Variants in CROT observed in about 807,000 individuals in gnomAD.
CROT encodes the protein peroxisomal carnitine O-octanoyltransferase.
CROT carries 84 observed loss-of-function variants against 89.2 expected under a neutral mutation model. That is an observed-to-expected ratio of 0.94 (90% CI 0.79 to 1.13). The LOEUF is 1.13. CROT is among the 50% of genes most tolerant of loss of function. The probability of loss-of-function intolerance (pLI) is 0.00; values close to 1 mark genes in which losing one functional copy is unlikely to be tolerated. For synonymous variants in CROT, 212 were observed against 239.5 expected (o/e 0.89, Z 1.06); for missense variants, 711 against 727.8 (o/e 0.98, Z 0.27).
Position 87,375,860 on chromosome 7 carries a change from G to A in CROT, c.783G>A (p.Glu261=). 1 of 1,613,520 alleles carries A rather than the reference G, an allele frequency of 6.2e-7. No individual in the cohort carries two copies. Among genetic ancestry groups the A allele is most frequent in the Non-Finnish European group, 8.5e-7 (1 of 1,179,604 alleles). The part of the protein sequence containing the change: ...AREYLIGLDP[E]NLALLEKIQS... ...AATATCTGATTGGTCTTGATCCAGA[G>A]AACTTGGCTTTGTTAGAAAAAATTC... The change falls in exon 9 of 18, where the codon GAG becomes GAA. Residue 261 remains glutamate, a synonymous_variant. Transcript: ENST00000331536.
rs12667741 is a variant in CROT, at chr7:87,345,714, T to C, written c.-166T>C. 1.7e-3 allele frequency: 609 copies of C among 358,014 alleles called. 6 individuals are homozygous for C. In the East Asian group the frequency reaches 0.023, roughly 14 times the overall value. 22.2% of individuals were successfully genotyped at this position (358,014 alleles called of 1,614,324 possible). A position where few individuals can be genotyped will look rare whatever the true frequency, so the allele number is the denominator to read the frequency against. On this transcript the variant is annotated 5_prime_UTR_variant, in exon 1 of 18. Transcript: ENST00000331536. The stretch of plus-strand genomic sequence containing the variant: ...CCAAGGGGGAGCGAGCCGGTGCTGC[T>C]GCAGGCTGAGGCTGCGGCAGAGGCG...
intron 13 of CROT, among the ~76,000 whole-genome samples, chr7:87,383,835 T>C (rs1807103345): frequency 6.6e-6 from 1 of 152,078 alleles, no homozygotes; most frequent in South Asian, 2.1e-4. Flanking sequence ...GACACTTAGG[T>C]TGATTCTATA....
intron 1 of CROT, 109 bp downstream of exon 1, chr7:87,345,876 GTCA>G (rs1001260238): frequency 1.2e-5 from 2 of 160,528 alleles, no homozygotes; most frequent in African/African-American, 4.8e-5. Flanking sequence ...GGGGAGTAGT[GTCA>G]TCAAGCATCT....
In CROT at chr7:87,398,644, G is replaced by C; in HGVS notation, c.1839G>C (p.Ter613TyrextTer2). The C allele has an allele frequency of 6.2e-7, 1 of 1,612,506 alleles. No individual in the cohort carries two copies. Among genetic ancestry groups the C allele is most frequent in the Non-Finnish European group, 8.5e-7 (1 of 1,179,586 alleles). The part of the protein sequence containing the change: ...MIQLMNSTHL[*>Y] ...AGCTGATGAACTCTACTCATCTTTA[G>C]AGATGAATCATCTATTAAGCACTTA... is the stretch of plus-strand genomic sequence containing the variant. The change falls in exon 18 of 18, where the codon TAG (stop) becomes TAC (tyrosine). Residue 613 changes from the stop codon to tyrosine (Y), a stop_lost. Coordinates refer to ENST00000331536, the MANE Select transcript of CROT (RefSeq NM_021151.4).
intron 4 of CROT, among the ~76,000 whole-genome samples, chr7:87,361,129 A>ATT (rs756941293): frequency 4.2e-5 from 6 of 142,110 alleles, no homozygotes; most frequent in African/African-American, 1.0e-4. Flanking sequence ...CAGCTAATTA[A>ATT]TTTTTTTTTT....
intron 13 of CROT, among the ~76,000 whole-genome samples, chr7:87,383,288 T>A (rs1807082582): frequency 6.6e-6 from 1 of 152,198 alleles, no homozygotes. Context: ...CAATCTCTGT[T>A]AACCACCATT....
intron 6 of CROT, among the ~76,000 whole-genome samples, chr7:87,367,115 A>G (rs1275742995): frequency 2.0e-5 from 3 of 152,208 alleles, no homozygotes; most frequent in African/African-American, 7.2e-5. Context: ...GTTAGGTTAC[A>G]TGGTAAAGAG....
At chr7:87,346,489 T>C (rs1033602845) in intron 2 of CROT, 59 bp downstream of exon 2, 2 of 152,232 alleles carry the variant, frequency 1.3e-5, no homozygotes, top group African/African-American at 4.8e-5. Flanking sequence ...TGTGAATTCA[T>C]ATCTAATTGC....
intron 6 of CROT, among the ~76,000 whole-genome samples, chr7:87,365,382 C>T (rs543698564): frequency 4.4e-4 from 67 of 151,716 alleles, no homozygotes; most frequent in Non-Finnish European, 7.9e-4. Flanking sequence ...CCCAGCTACG[C>T]GGGAAGCTGA....
chr7:87,385,867 G>T (rs1480000038), intron 13 of CROT, among the ~76,000 whole-genome samples: 1 of 152,098 alleles, frequency 6.6e-6, no homozygotes, highest in Admixed American at 6.6e-5. Flanking sequence ...TACTGAGTTT[G>T]TTGAAAATTT....
chr7:87,382,355 C>CT (rs1427141941), intron 12 of CROT, 58 bp from the exon 13 acceptor site: 21 of 1,570,268 alleles, frequency 1.3e-5, no homozygotes, highest in Non-Finnish European at 1.7e-5. Context: ...ATTTGCTTCT[C>CT]TTTGGTGTAT....
intron 7 of CROT, among the ~76,000 whole-genome samples, chr7:87,371,615 G>A (rs927726276): frequency 2.6e-5 from 4 of 152,108 alleles, no homozygotes; most frequent in Non-Finnish European, 5.9e-5. Context: ...CATCCACAGT[G>A]GCATTGTTTT....
At chr7:87,360,859 TAGTG>T (rs1806243754) in intron 4 of CROT, among the ~76,000 whole-genome samples, 4 of 152,222 alleles carry the variant, frequency 2.6e-5, no homozygotes, top group Admixed American at 2.6e-4. Flanking sequence ...TCGTTTTTGA[TAGTG>T]TAGTTAAAAC....
Position 87,354,847 on chromosome 7 carries a change from C to G in CROT, c.116-4359C>G, listed in dbSNP as rs561068627. Among the ~76,000 whole-genome samples, 8 of 152,258 alleles carry G rather than the reference C, an allele frequency of 5.3e-5. No individual in the cohort carries two copies. In the East Asian group the frequency reaches 7.7e-4, roughly 15 times the overall value. On this transcript the variant is annotated intron_variant, in intron 3 of 17. Transcript: ENST00000331536. ...CATCGGGGACCAAAATTTAGAAAGACTTATTTATAAATGATTTTCTTTTCA... is the reference window on the plus strand; with the variant it reads ...CATCGGGGACCAAAATTTAGAAAGAGTTATTTATAAATGATTTTCTTTTCA...
At chr7:87,398,222 C>G in intron 17 of CROT, 2 of 507,284 alleles carry the variant, frequency 3.9e-6, no homozygotes, top group South Asian at 3.3e-5. Flanking sequence ...AAGGACTTTT[C>G]TAGGAAGGAG....
At chr7:87,382,250 C>A in intron 12 of CROT, 69 bp downstream of exon 12, 1 of 1,454,414 alleles carries the variant, frequency 6.9e-7, no homozygotes, top group East Asian at 2.3e-5. Flanking sequence ...AAAAATTTGG[C>A]TGTCATCCAA....
At chr7:87,378,515 TC>T (rs1806883447) in intron 10 of CROT, among the ~76,000 whole-genome samples, 1 of 152,190 alleles carries the variant, frequency 6.6e-6, no homozygotes, top group African/African-American at 2.4e-5. Flanking sequence ...TAGAAATCTC[TC>T]CCCATTTTTT....
intron 7 of CROT, chr7:87,375,379 A>G: frequency 2.5e-6 from 1 of 407,444 alleles, no homozygotes; most frequent in South Asian, 3.1e-5. Context: ...AGTATATATC[A>G]GCGAAACTAA....
chr7:87,382,111 A>G lies in CROT; in HGVS notation c.1100A>G (p.Glu367Gly). ...GTACGAGATATACCACTTCCAGAAG[A>G]GCTCATTTTCATTGTGGATGAGAAA... ...EKVRDIPLPE[E>G]LIFIVDEKVL... is the part of the protein sequence containing the mutation. The change falls in exon 12 of 18, where the codon GAG becomes GGG. Residue 367 changes from glutamate (E) to glycine (G), a missense_variant. Coordinates refer to ENST00000331536, the MANE Select transcript of CROT (RefSeq NM_021151.4). 2 of 1,613,578 alleles carry G rather than the reference A, an allele frequency of 1.2e-6. No homozygotes were observed. Among genetic ancestry groups the G allele is most frequent in the Non-Finnish European group, 1.7e-6 (2 of 1,179,680 alleles).
Sources: gnomAD v4.1 joint callset for allele counts (sites outside exome capture counted in the v4.1 genomes callset) on GRCh38, gnomAD v4.1.1 for gene constraint, MANE v1.5 for transcripts, NCBI Gene and HGNC (gene_info 2026-07-23, HGNC 2026-07-21) for gene names.